Variants in ARHGAP26 observed in about 807,000 individuals in gnomAD.
ARHGAP26 encodes the protein Rho GTPase activating protein 26, also known as rho GTPase-activating protein 26.
In ARHGAP26, 38 loss-of-function variants were observed where a neutral mutation model predicts 104.8. The observed-to-expected ratio is 0.36, with a 90% CI of 0.28 to 0.48. The LOEUF (loss-of-function observed/expected upper bound fraction) is 0.48, where lower values mean the gene tolerates loss of function less well. ARHGAP26 is among the 20% of genes least tolerant of loss of function. The pLI is 0.99. For missense variants in ARHGAP26, 704 were observed against 947.9 expected, an observed-to-expected ratio of 0.74 and a Z score of 3.38; for synonymous variants, 341 against 340.0, an observed-to-expected ratio of 1.00 and a Z score of -0.03.
chr5:142,930,541 A>G (rs1598286851), intron 10 of ARHGAP26, among the ~76,000 whole-genome samples: 1 of 152,024 alleles, frequency 6.6e-6, no homozygotes. Flanking sequence ...GTGTTCCACC[A>G]TCATCAACAC....
chr5:143,156,170 G>T (rs185044864), intron 20 of ARHGAP26, among the ~76,000 whole-genome samples: 9 of 152,300 alleles, frequency 5.9e-5, no homozygotes, highest in Admixed American at 5.9e-4. Context: ...GATCTTATTC[G>T]TAGATTCAGA....
At position 142,902,953 on chromosome 5, in the gene ARHGAP26, C is replaced by T. The variant is rs147189956; in HGVS notation, c.703-587C>T. Among the ~76,000 whole-genome samples the T allele has an allele frequency of 1.3e-3, 193 of 152,270 alleles. 2 individuals carry two copies. Among genetic ancestry groups the T allele is most frequent in the Admixed American group, 0.012 (179 of 15,288 alleles). On this transcript the variant is annotated intron_variant, in intron 7 of 22. Coordinates refer to ENST00000645722, the MANE Select transcript of ARHGAP26 (RefSeq NM_001135608.3). Reference sequence around the variant, plus strand: ...GGGAAATAGAGCTGTGATGCAGATGCAGCAGAGGTCTCAGTGCAGGGGAGG... The same window carrying T: ...GGGAAATAGAGCTGTGATGCAGATGTAGCAGAGGTCTCAGTGCAGGGGAGG...
intron 1 of ARHGAP26, among the ~76,000 whole-genome samples, chr5:142,788,828 AG>A (rs2151896151): frequency 6.6e-6 from 1 of 152,370 alleles, no homozygotes; most frequent in Admixed American, 6.5e-5. Flanking sequence ...GGACAACTGC[AG>A]TAGAATATCT....
At chr5:142,979,467 G>T (rs2152725376) in intron 11 of ARHGAP26, among the ~76,000 whole-genome samples, 1 of 152,312 alleles carries the variant, frequency 6.6e-6, no homozygotes, top group African/African-American at 2.4e-5. Flanking sequence ...GAGACTATGG[G>T]ACATATTCCT....
At chr5:142,852,889 T>G (rs1286907110) in intron 1 of ARHGAP26, among the ~76,000 whole-genome samples, 1 of 152,256 alleles carries the variant, frequency 6.6e-6, no homozygotes, top group Non-Finnish European at 1.5e-5. Context: ...TCTCTGCATG[T>G]CCTGTTGAAG....
chr5:142,855,361 G>A (rs1419269753), intron 1 of ARHGAP26, among the ~76,000 whole-genome samples: 1 of 152,102 alleles, frequency 6.6e-6, no homozygotes, highest in Non-Finnish European at 1.5e-5. Flanking sequence ...GCTGCTGGTT[G>A]GTCTGAGATG....
chr5:143,157,172 C>CTTTT (rs56740224), intron 20 of ARHGAP26, among the ~76,000 whole-genome samples: 10 of 141,276 alleles, frequency 7.1e-5, no homozygotes, highest in Admixed American at 2.1e-4. Context: ...CACATTCTTT[C>CTTTT]TTTTTTTTTT....
chr5:143,122,591 T>C (rs1159681511), intron 18 of ARHGAP26, among the ~76,000 whole-genome samples: 2 of 152,238 alleles, frequency 1.3e-5, no homozygotes, highest in East Asian at 1.9e-4. Context: ...TTCTGTAAAA[T>C]AGAATGAATA....
chr5:142,828,071 G>C (rs981252038), intron 1 of ARHGAP26, among the ~76,000 whole-genome samples: 1 of 152,192 alleles, frequency 6.6e-6, no homozygotes, highest in Non-Finnish European at 1.5e-5. Context: ...GGGAATGGAT[G>C]CTTTGCTTTG....
chr5:143,181,086 C>T (rs1329036723), intron 20 of ARHGAP26, among the ~76,000 whole-genome samples: 3 of 152,222 alleles, frequency 2.0e-5, no homozygotes. Flanking sequence ...TCCCCACTGC[C>T]ACCACCTCAG....
At chr5:142,822,884 G>A (rs1308939075) in intron 1 of ARHGAP26, among the ~76,000 whole-genome samples, 1 of 152,142 alleles carries the variant, frequency 6.6e-6, no homozygotes, top group Non-Finnish European at 1.5e-5. Flanking sequence ...AGGCACGTGG[G>A]AGACCAGTCA....
At chr5:143,121,412 A>C (rs1265741070) in intron 18 of ARHGAP26, among the ~76,000 whole-genome samples, 2 of 152,172 alleles carry the variant, frequency 1.3e-5, no homozygotes, top group Admixed American at 6.5e-5. Context: ...TGTGCCAGGA[A>C]CTGTGTTAAA....
At chr5:143,148,771 G>C (rs749018084) in intron 20 of ARHGAP26, among the ~76,000 whole-genome samples, 1 of 152,128 alleles carries the variant, frequency 6.6e-6, no homozygotes, top group Non-Finnish European at 1.5e-5. Flanking sequence ...CTAGACTTTA[G>C]GGAGATTCTA....
chr5:142,849,360 A>G (rs1751074130), intron 1 of ARHGAP26, among the ~76,000 whole-genome samples: 1 of 152,142 alleles, frequency 6.6e-6, no homozygotes, highest in African/African-American at 2.4e-5. Flanking sequence ...CTCCCAGAGC[A>G]TTTCCATTTG....
chr5:142,952,118 A>C (rs1268797354), intron 11 of ARHGAP26, among the ~76,000 whole-genome samples: 7 of 152,114 alleles, frequency 4.6e-5, no homozygotes, highest in Admixed American at 4.6e-4. Context: ...TTTATGGCCC[A>C]CTCAGGTAAT....
chr5:142,974,641 A>G (rs1487811058), intron 11 of ARHGAP26, among the ~76,000 whole-genome samples: 1 of 152,236 alleles, frequency 6.6e-6, no homozygotes, highest in Non-Finnish European at 1.5e-5. Context: ...AGCCTCCTCC[A>G]CATTCAAGCC....
chr5:142,801,991 A>T (rs1412182916), intron 1 of ARHGAP26, among the ~76,000 whole-genome samples: 1 of 152,156 alleles, frequency 6.6e-6, no homozygotes, highest in African/African-American at 2.4e-5. Flanking sequence ...TAAAAACTAG[A>T]TTGAAAGAAG....
chr5:142,793,252 C>CTTTTTTTTTT, intron 1 of ARHGAP26, among the ~76,000 whole-genome samples: 1 of 107,140 alleles, frequency 9.3e-6, no homozygotes, highest in Non-Finnish European at 1.8e-5. Flanking sequence ...TATCCCTTTG[C>CTTTTTTTTTT]TTTTTTTTTT....
chr5:143,025,060 A>G (rs1237288717), intron 12 of ARHGAP26, among the ~76,000 whole-genome samples: 6 of 152,230 alleles, frequency 3.9e-5, no homozygotes, highest in Non-Finnish European at 8.8e-5. Flanking sequence ...ATTATCGGCA[A>G]TGATTAAATG....
Sources: allele counts gnomAD v4.1 joint callset (sites outside exome capture counted in the v4.1 genomes callset), GRCh38; gene constraint gnomAD v4.1.1; transcripts MANE v1.5; gene names NCBI Gene and HGNC (gene_info 2026-07-23, HGNC 2026-07-21).